The following FAM210A variants were observed in gnomAD, a reference collection of about 807,000 sequenced individuals.
FAM210A encodes the protein family with sequence similarity 210 member A.
A neutral mutation model predicts 25.3 loss-of-function variants in FAM210A; 13 were observed. The observed-to-expected ratio is 0.51, with a 90% CI of 0.33 to 0.82. The LOEUF (loss-of-function observed/expected upper bound fraction) is 0.82. Among genes scored for constraint, FAM210A ranks in the 40% least tolerant of loss-of-function variants. The pLI is 0.02. For missense variants in FAM210A, 319 were observed against 323.2 expected, an observed-to-expected ratio of 0.99 and a Z score of 0.10; for synonymous variants, 125 against 118.7, an observed-to-expected ratio of 1.05 and a Z score of -0.35.
intron 1 of FAM210A, among the ~76,000 whole-genome samples, chr18:13,700,572 T>C (rs2043731507): frequency 6.6e-6 from 1 of 152,238 alleles, no homozygotes; most frequent in Non-Finnish European, 1.5e-5. Flanking sequence ...CACCAGACTT[T>C]ACCTCTCACT....
intron 1 of FAM210A, among the ~76,000 whole-genome samples, chr18:13,715,650 A>T (rs369103421): frequency 6.6e-6 from 1 of 152,228 alleles, no homozygotes; most frequent in Admixed American, 6.5e-5. Flanking sequence ...GAACTTCAAG[A>T]TATCACCAAA....
At chr18:13,717,067 T>C (rs1224548424) in intron 1 of FAM210A, among the ~76,000 whole-genome samples, 1 of 152,152 alleles carries the variant, frequency 6.6e-6, no homozygotes, top group Non-Finnish European at 1.5e-5. Flanking sequence ...CAGTTTCTGT[T>C]ACTTGCAGCT....
At position 13,666,609 on chromosome 18, in the gene FAM210A, C is replaced by T. The variant is rs959542995; in HGVS notation, c.690G>A (p.Glu230=). ...GYMSTPPPVK[E]YLQDRMEETK... ...TCTCTTCCATCCTGTCCTGCAGATACTCCTTGACGGGTGGCGGCGTGGACA... is the reference window on the plus strand; with the variant it reads ...TCTCTTCCATCCTGTCCTGCAGATATTCCTTGACGGGTGGCGGCGTGGACA... The change falls in exon 4 of 4, where the codon GAG becomes GAA. Residue 230 remains glutamate, a synonymous_variant. Coordinates refer to ENST00000651643, the MANE Select transcript of FAM210A (RefSeq NM_152352.4). The T allele has an allele frequency of 4.3e-6, 7 of 1,614,066 alleles. No homozygotes were observed. The African/African-American group carries it at 6.7e-5, about 15-fold the overall frequency.
At chr18:13,716,295 C>T (rs557684864) in intron 1 of FAM210A, among the ~76,000 whole-genome samples, 1 of 152,346 alleles carries the variant, frequency 6.6e-6, no homozygotes, top group Admixed American at 6.5e-5. Context: ...CTTCCCTCTT[C>T]AGAGGCCCTG....
chr18:13,670,572 G>A (rs1023051142), intron 3 of FAM210A, among the ~76,000 whole-genome samples: 1 of 152,092 alleles, frequency 6.6e-6, no homozygotes, highest in African/African-American at 2.4e-5. Flanking sequence ...ACTTCCTTAG[G>A]TAGAAGTTTC....
At chr18:13,680,933 G>T (rs1787871) in intron 2 of FAM210A, among the ~76,000 whole-genome samples, 96,771 of 152,048 alleles carry the variant, frequency 0.64, 31,298 homozygotes, top group East Asian at 0.86. Flanking sequence ...AAAACACTGG[G>T]AGGCTAGACC....
chr18:13,689,217 C>G (rs2149060080), intron 1 of FAM210A, among the ~76,000 whole-genome samples: 1 of 152,326 alleles, frequency 6.6e-6, no homozygotes, highest in Non-Finnish European at 1.5e-5. Flanking sequence ...CACTAAACCT[C>G]CTGAGAACCA....
In FAM210A at chr18:13,681,916, T is replaced by C. The variant is rs140347489; in HGVS notation, c.162A>G (p.Gln54=). The C allele has an allele frequency of 4.8e-5, 77 of 1,614,200 alleles. No homozygotes were observed. In the African/African-American group the frequency reaches 5.2e-4, roughly 11 times the overall value. Residue 54 remains glutamine, a synonymous_variant, in exon 2 of 4, where the codon CAA becomes CAG. Transcript: ENST00000651643. ...KVVLVQGPQK[Q]WLHLSAAQCV... ...ACTGGGCAGCAGATAAATGCAACCA[T>C]TGTTTTTGAGGGCCTTGTACCAAAA... is the stretch of plus-strand genomic sequence containing the variant.
chr18:13,695,948 T>G (rs1211866848), intron 1 of FAM210A, among the ~76,000 whole-genome samples: 5 of 152,180 alleles, frequency 3.3e-5, no homozygotes, highest in African/African-American at 1.2e-4. Flanking sequence ...TTATAGATAC[T>G]AGCAATGATA....
intron 1 of FAM210A, 124 bp from the exon 2 acceptor site, chr18:13,682,229 A>G: frequency 1.5e-6 from 1 of 664,216 alleles, no homozygotes; most frequent in Non-Finnish European, 2.5e-6. Flanking sequence ...ATAATCCACA[A>G]AAACTGATGT....
intron 1 of FAM210A, among the ~76,000 whole-genome samples, chr18:13,685,823 TCA>T (rs1568480965): frequency 1.3e-5 from 2 of 152,174 alleles, no homozygotes; most frequent in Non-Finnish European, 2.9e-5. Flanking sequence ...CTTAAACATT[TCA>T]CAGAGTTTGA....
chr18:13,695,780 G>A (rs2043687419), intron 1 of FAM210A, among the ~76,000 whole-genome samples: 1 of 151,952 alleles, frequency 6.6e-6, no homozygotes, highest in African/African-American at 2.4e-5. Flanking sequence ...GTTAATGGGT[G>A]CAGCACACCA....
chr18:13,713,253 G>C (rs536366897), intron 1 of FAM210A, among the ~76,000 whole-genome samples: 1 of 152,262 alleles, frequency 6.6e-6, no homozygotes, highest in South Asian at 2.1e-4. Context: ...ATGTATGTTT[G>C]TATGTTGATA....
chr18:13,725,014 C>T (rs929472553), intron 1 of FAM210A, among the ~76,000 whole-genome samples: 2 of 152,182 alleles, frequency 1.3e-5, no homozygotes, highest in Non-Finnish European at 2.9e-5. Context: ...CCTCGTGATC[C>T]AACCGCCTCG....
intron 1 of FAM210A, among the ~76,000 whole-genome samples, chr18:13,699,923 C>A (rs2043725015): frequency 6.6e-6 from 1 of 152,118 alleles, no homozygotes; most frequent in African/African-American, 2.4e-5. Context: ...ATGCAAAATC[C>A]TACACTATGG....
At chr18:13,693,819 C>T (rs143208459) in intron 1 of FAM210A, among the ~76,000 whole-genome samples, 1,912 of 152,230 alleles carry the variant, frequency 0.013, 43 homozygotes, top group African/African-American at 0.04. Context: ...TGAAAAGTGG[C>T]GCAAGACAGG....
In FAM210A at chr18:13,667,919, G is replaced by A. The variant is rs536996090; in HGVS notation, c.586-1206C>T. Among the ~76,000 whole-genome samples, 56 of 152,210 alleles carry A rather than the reference G, an allele frequency of 3.7e-4. 1 individual carries two copies. Among genetic ancestry groups the A allele is most frequent in the Non-Finnish European group, 3.4e-4 (23 of 67,982 alleles). On this transcript the variant is annotated intron_variant, in intron 3 of 3. Coordinates refer to ENST00000651643, the MANE Select transcript of FAM210A (RefSeq NM_152352.4). Reference sequence around the variant, plus strand: ...AAAAAGAAAAGAAAAATACTTAGCCGGGAGTAAGTGGCATGTGCCTGTAGT... The same window carrying A: ...AAAAAGAAAAGAAAAATACTTAGCCAGGAGTAAGTGGCATGTGCCTGTAGT...
intron 1 of FAM210A, among the ~76,000 whole-genome samples, chr18:13,724,475 T>C (rs2043918756): frequency 6.6e-6 from 1 of 152,216 alleles, no homozygotes; most frequent in Non-Finnish European, 1.5e-5. Flanking sequence ...AGCACTAACC[T>C]TGGCACCTAA....
intron 1 of FAM210A, among the ~76,000 whole-genome samples, chr18:13,713,725 A>AACACACACACACACACACACACACACAC (rs55691136): frequency 3.0e-4 from 42 of 142,008 alleles, no homozygotes; most frequent in African/African-American, 6.1e-4. Context: ...GTCACTATAA[A>AACACACACACACACACACACACACACAC]ACACACACAC....
Sources: gnomAD v4.1 joint callset for allele counts (sites outside exome capture counted in the v4.1 genomes callset) on GRCh38, gnomAD v4.1.1 for gene constraint, MANE v1.5 for transcripts, NCBI Gene and HGNC (gene_info 2026-07-23, HGNC 2026-07-21) for gene names.